The following FAM135B variants were observed in gnomAD, a reference collection of about 807,000 sequenced individuals.
FAM135B encodes the protein family with sequence similarity 135 member B.
A neutral mutation model predicts 127.7 loss-of-function variants in FAM135B; 43 were observed. The ratio of observed to expected loss-of-function variants is 0.34; its 90% CI spans 0.26 to 0.43. FAM135B has a LOEUF of 0.43. Ranked by LOEUF, FAM135B falls within the 20% of genes least tolerant of loss-of-function variation. The pLI is 1.00. For missense variants in FAM135B, 1,558 were observed against 1,725.6 expected, an observed-to-expected ratio of 0.90 and a Z score of 1.72; for synonymous variants, 670 against 665.1, an observed-to-expected ratio of 1.01 and a Z score of -0.11.
intron 2 of FAM135B, among the ~76,000 whole-genome samples, chr8:138,319,103 T>C (rs1827278404): frequency 6.6e-6 from 1 of 151,990 alleles, no homozygotes; most frequent in East Asian, 1.9e-4. Flanking sequence ...TTTTTTGTTG[T>C]TGTTGTTTGT....
chr8:138,428,774 T>C (rs1356469120), intron 1 of FAM135B, among the ~76,000 whole-genome samples: 4 of 152,214 alleles, frequency 2.6e-5, no homozygotes, highest in Admixed American at 2.6e-4. Flanking sequence ...ACTTTCCTTT[T>C]AAACTGCCCG....
chr8:138,269,434 G>T (rs1402663551), intron 3 of FAM135B, among the ~76,000 whole-genome samples: 2 of 152,192 alleles, frequency 1.3e-5, no homozygotes, highest in East Asian at 3.9e-4. Flanking sequence ...GATTCCCAAA[G>T]AATCAGTTCT....
At chr8:138,285,759 T>G (rs1051861587) in intron 3 of FAM135B, among the ~76,000 whole-genome samples, 1 of 152,248 alleles carries the variant, frequency 6.6e-6, no homozygotes, top group African/African-American at 2.4e-5. Flanking sequence ...TTTAACAATA[T>G]TGACCTGAAT....
At chr8:138,150,367 T>C (rs1324777412) in intron 13 of FAM135B, among the ~76,000 whole-genome samples, 5 of 152,182 alleles carry the variant, frequency 3.3e-5, no homozygotes, top group Non-Finnish European at 7.3e-5. Flanking sequence ...ATAATATTCG[T>C]AATAAAAATT....
intron 1 of FAM135B, among the ~76,000 whole-genome samples, chr8:138,444,211 A>G (rs1294736138): frequency 2.0e-5 from 3 of 152,192 alleles, no homozygotes; most frequent in African/African-American, 7.2e-5. Flanking sequence ...GGGAAACTTT[A>G]ACACCCCACT....
At chr8:138,384,914 A>T (rs1298387337) in intron 1 of FAM135B, among the ~76,000 whole-genome samples, 1 of 152,034 alleles carries the variant, frequency 6.6e-6, no homozygotes, top group African/African-American at 2.4e-5. Context: ...CTTTCTTAGA[A>T]GTACCTCCAA....
chr8:138,275,974 TC>T (rs1188807787), intron 3 of FAM135B, among the ~76,000 whole-genome samples: 1 of 152,152 alleles, frequency 6.6e-6, no homozygotes, highest in African/African-American at 2.4e-5. Flanking sequence ...GTGAGCTGAA[TC>T]TTGGACAGAG....
intron 1 of FAM135B, among the ~76,000 whole-genome samples, chr8:138,390,594 T>A (rs1471047028): frequency 6.6e-6 from 1 of 152,292 alleles, no homozygotes; most frequent in East Asian, 1.9e-4. Context: ...GTATCTCCAG[T>A]GCAGAGTAGG....
At chr8:138,478,472 CT>C (rs961758659) in intron 1 of FAM135B, among the ~76,000 whole-genome samples, 43 of 152,152 alleles carry the variant, frequency 2.8e-4, no homozygotes, top group African/African-American at 9.9e-4. Context: ...CCTATGGTTG[CT>C]TTTGTCGCAG....
Position 138,426,963 on chromosome 8 carries a change from T to C in FAM135B, c.-19-58961A>G, listed in dbSNP as rs143108414. On this transcript the variant is annotated intron_variant, in intron 1 of 19. Transcript: ENST00000395297. ...ACCTTGACTTATGAGACAAGAATTATGATATAATAGAATAAAATACTATTC... is the reference window on the plus strand; with the variant it reads ...ACCTTGACTTATGAGACAAGAATTACGATATAATAGAATAAAATACTATTC... 3.7e-3 allele frequency among the ~76,000 whole-genome samples: 560 copies of C among 152,172 alleles called. 5 individuals carry two copies. Among genetic ancestry groups the C allele is most frequent in the Middle Eastern group, 6.8e-3 (2 of 294 alleles).
At position 138,302,894 on chromosome 8, in the gene FAM135B, C is replaced by T. The variant is rs545670007; in HGVS notation, c.157+7947G>A. On this transcript the variant is annotated intron_variant, in intron 3 of 19. Coordinates refer to ENST00000395297, the MANE Select transcript of FAM135B (RefSeq NM_015912.4). ...AAGTATCTTAACAGAAATCACAACACGTGCCAGTTAGAATGGGGATTATTA... is the reference window on the plus strand; with the variant it reads ...AAGTATCTTAACAGAAATCACAACATGTGCCAGTTAGAATGGGGATTATTA... Among the ~76,000 whole-genome samples, 23 of 152,332 alleles carry T rather than the reference C, an allele frequency of 1.5e-4. No individual in the cohort carries two copies. The South Asian group carries it at 4.1e-3, about 27-fold the overall frequency.
At chr8:138,438,612 G>A (rs925780043) in intron 1 of FAM135B, 22 of 152,176 alleles carry the variant, frequency 1.4e-4, no homozygotes, top group Non-Finnish European at 2.9e-4. Flanking sequence ...GCACAAGCAA[G>A]GGGAAATATA....
rs6996886 is a variant in FAM135B at position 138,431,680 on chromosome 8, C to T, written c.-19-63678G>A. On this transcript the variant is annotated intron_variant, in intron 1 of 19. Coordinates refer to ENST00000395297, the MANE Select transcript of FAM135B (RefSeq NM_015912.4). ...TTAAACAATAGAGAAATGTATTATC[C>T]CCCATAAATGAAGATTTTGAGGAAG... is the stretch of plus-strand genomic sequence containing the variant. 5.2e-3 allele frequency among the ~76,000 whole-genome samples: 799 copies of T among 152,256 alleles called. 6 individuals are homozygous for T. Among genetic ancestry groups the T allele is most frequent in the African/African-American group, 0.018 (756 of 41,544 alleles).
At chr8:138,134,257 T>G (rs1338969650) in intron 19 of FAM135B, among the ~76,000 whole-genome samples, 1 of 152,202 alleles carries the variant, frequency 6.6e-6, no homozygotes, top group Non-Finnish European at 1.5e-5. Flanking sequence ...AAATGATGTA[T>G]GTGAATATTA....
At chr8:138,272,742 C>T (rs986847557) in intron 3 of FAM135B, among the ~76,000 whole-genome samples, 3 of 152,202 alleles carry the variant, frequency 2.0e-5, no homozygotes, top group Admixed American at 6.5e-5. Flanking sequence ...AACACAGAAA[C>T]CCACTGGATT....
At chr8:138,192,349 C>T (rs749995128) in intron 9 of FAM135B, among the ~76,000 whole-genome samples, 11 of 152,168 alleles carry the variant, frequency 7.2e-5, no homozygotes, top group Non-Finnish European at 1.5e-4. Context: ...ACAAAGATAG[C>T]AGCGCTTTCC....
intron 13 of FAM135B, 92 bp from the exon 14 acceptor site, chr8:138,148,778 C>T (rs1563685405): frequency 1.1e-6 from 1 of 945,900 alleles, no homozygotes; most frequent in South Asian, 1.8e-5. Context: ...GGCTGAGCAC[C>T]CACAAGCAAA....
At chr8:138,463,849 GA>G (rs1837254796) in intron 1 of FAM135B, among the ~76,000 whole-genome samples, 1 of 152,078 alleles carries the variant, frequency 6.6e-6, no homozygotes, top group Non-Finnish European at 1.5e-5. Context: ...AAGATATAAA[GA>G]AAGGCCGACT....
At chr8:138,229,228 T>C (rs1473159775) in intron 7 of FAM135B, among the ~76,000 whole-genome samples, 1 of 152,174 alleles carries the variant, frequency 6.6e-6, no homozygotes, top group Admixed American at 6.5e-5. Context: ...TCCTACTCTT[T>C]GGCACCTTCT....
Sources: allele counts gnomAD v4.1 joint callset (sites outside exome capture counted in the v4.1 genomes callset), GRCh38; gene constraint gnomAD v4.1.1; transcripts MANE v1.5; gene names NCBI Gene and HGNC (gene_info 2026-07-23, HGNC 2026-07-21).